UBXN10: variants seen among roughly 807,000 people sequenced by gnomAD.
The protein encoded by UBXN10 is UBX domain protein 10.
UBXN10 carries 6 observed loss-of-function variants against 6.9 expected under a neutral mutation model. The observed-to-expected ratio is 0.87, with a 90% CI of 0.48 to 1.72. The LOEUF (loss-of-function observed/expected upper bound fraction) is 1.72. Among genes scored for constraint, UBXN10 ranks in the 40% most tolerant of loss-of-function variants. The pLI is 0.01. For synonymous variants in UBXN10, 131 were observed against 135.2 expected, an observed-to-expected ratio of 0.97 and a Z score of 0.21; for missense variants, 317 against 348.4, an observed-to-expected ratio of 0.91 and a Z score of 0.72.
At chr1:20,189,703 G>A (rs1159904681) in intron 1 of UBXN10, among the ~76,000 whole-genome samples, 1 of 152,068 alleles carries the variant, frequency 6.6e-6, no homozygotes, top group Non-Finnish European at 1.5e-5. Context: ...ATTGCAGCCT[G>A]AGTGATGGAG....
upstream of UBXN10, among the ~76,000 whole-genome samples, chr1:20,184,924 C>T (rs1318758160): frequency 1.3e-5 from 2 of 151,912 alleles, no homozygotes; most frequent in Admixed American, 6.6e-5. Flanking sequence ...GAGGCTGAGG[C>T]GGGAGGATCA....
Position 20,190,821 on chromosome 1 carries a change from C to T in UBXN10, c.260C>T (p.Ser87Phe). ...SQKPGACAPK[S>F]PNQGASDEIP... is the part of the protein sequence containing the mutation. ...AAACCAGGAGCCTGTGCACCCAAATCTCCAAACCAGGGAGCTTCTGATGAG... is the reference window on the plus strand; with the variant it reads ...AAACCAGGAGCCTGTGCACCCAAATTTCCAAACCAGGGAGCTTCTGATGAG... The change falls in exon 2 of 2, where the codon TCT (serine) becomes TTT (phenylalanine). Residue 87 changes from serine to phenylalanine, a missense_variant. Coordinates refer to ENST00000375099, the MANE Select transcript of UBXN10 (RefSeq NM_152376.5). 2.5e-6 allele frequency: 4 copies of T among 1,614,012 alleles called. No homozygotes were observed. Among genetic ancestry groups the T allele is most frequent in the Non-Finnish European group, 3.4e-6 (4 of 1,180,044 alleles).
chr1:20,195,329 G>A lies in UBXN10; in HGVS notation c.*3925G>A, dbSNP rs1031033517. 3 of 167,206 alleles carry A rather than the reference G, an allele frequency of 1.8e-5. No homozygotes were observed. The highest frequency in any genetic ancestry group is 3.9e-4 in the East Asian group (2 of 5,192). The allele number at this position is 167,206 out of a possible 1,614,324, so 10.4% of individuals were successfully genotyped here. A position where few individuals can be genotyped will look rare whatever the true frequency, so the allele number is the denominator to read the frequency against. ...AATGCCCACGGGTAAAACTGAGCAA[G>A]CCTCATTCAGACTGTCCTGCTCAGA... is the stretch of plus-strand genomic sequence containing the variant. On this transcript the variant is annotated 3_prime_UTR_variant, in exon 2 of 2. Transcript: ENST00000375099.
rs1311113228 is a variant in UBXN10 at position 20,187,537 on chromosome 1, G to A, written c.-16+1384G>A. On this transcript the variant is annotated intron_variant, in intron 1 of 1. Coordinates refer to ENST00000375099, the MANE Select transcript of UBXN10 (RefSeq NM_152376.5). This position sits in a 1 kb window ranked among gnomAD's most constrained non-coding sequence, Gnocchi z 4.6. ...CCCTGTGTGATGGGTGCTGGGGAGA[G>A]CTGGTGTTCCCTCCGTGTAACAGAT... Among the ~76,000 whole-genome samples the A allele has an allele frequency of 6.6e-6, 1 of 152,324 alleles. No homozygotes were observed. Among genetic ancestry groups the A allele is most frequent in the East Asian group, 1.9e-4 (1 of 5,186 alleles).
In UBXN10 at chr1:20,192,280, G is replaced by A. The variant is rs1426252765; in HGVS notation, c.*876G>A. 2.4e-5 allele frequency: 4 copies of A among 167,072 alleles called. No individual in the cohort carries two copies. The highest frequency in any genetic ancestry group is 2.1e-4 in the South Asian group (1 of 4,826). 10.3% of individuals were successfully genotyped at this position (167,072 alleles called of 1,614,324 possible). ...TGACAACCTCCTTGGCTTATTTGGG[G>A]GTGGAGCAATTGTTTTATTCCCCAG... On this transcript the variant is annotated 3_prime_UTR_variant, in exon 2 of 2. Coordinates refer to ENST00000375099, the MANE Select transcript of UBXN10 (RefSeq NM_152376.5).
chr1:20,190,600 G>A lies in UBXN10; in HGVS notation c.39G>A (p.Glu13=), dbSNP rs534420264. Residue 13 remains glutamate, a synonymous_variant, in exon 2 of 2, where the codon GAG becomes GAA. Transcript: ENST00000375099. ...CCCCTGTGAATATAGCACCACCTGA[G>A]TGTAGCACTGTTGTCAGCACAGCAG... ...TEAPVNIAPP[E]CSTVVSTAVD... 2.5e-6 allele frequency: 4 copies of A among 1,614,162 alleles called. No homozygotes were observed. Among genetic ancestry groups the A allele is most frequent in the East Asian group, 2.2e-5 (1 of 44,884 alleles).
Position 20,191,505 on chromosome 1 carries a change from G to A in UBXN10, c.*101G>A, listed in dbSNP as rs1328807461. The A allele has an allele frequency of 2.0e-6, 3 of 1,512,844 alleles. No individual in the cohort carries two copies. In the East Asian group the frequency reaches 6.8e-5, roughly 34 times the overall value. The allele number at this position is 1,512,844 out of a possible 1,614,324, so 93.7% of individuals were successfully genotyped here. ...CCTGTTTCAAGTGCCATGTGGACCT[G>A]GTGCAGCTGGGAAGCTTGGGACTCT... On this transcript the variant is annotated 3_prime_UTR_variant, in exon 2 of 2. Transcript: ENST00000375099. The surrounding 1 kb of genome is among the most constrained non-coding windows in gnomAD (Gnocchi z 4.5).
At position 20,193,536 on chromosome 1, in the gene UBXN10, G is replaced by A. The variant is rs558795579; in HGVS notation, c.*2132G>A. 4 of 166,990 alleles carry A rather than the reference G, an allele frequency of 2.4e-5. No homozygotes were observed. The highest frequency in any genetic ancestry group is 5.9e-5 in the Non-Finnish European group (4 of 68,120). The allele number at this position is 166,990 out of a possible 1,614,324, so 10.3% of individuals were successfully genotyped here. ...CTGAGTCAGTGGAGAAGTGCATCTCGTATTTTAACCTAAGGCTTCAGCTCC... is the reference window on the plus strand; with the variant it reads ...CTGAGTCAGTGGAGAAGTGCATCTCATATTTTAACCTAAGGCTTCAGCTCC... On this transcript the variant is annotated 3_prime_UTR_variant, in exon 2 of 2. Transcript: ENST00000375099.
rs1401145401 is a variant in UBXN10 at position 20,193,459 on chromosome 1, A to T, written c.*2055A>T. 1.8e-5 allele frequency: 3 copies of T among 166,474 alleles called. No homozygotes were observed. The highest frequency in any genetic ancestry group is 7.3e-5 in the African/African-American group (3 of 40,860). The allele number at this position is 166,474 out of a possible 1,614,324, so 10.3% of individuals were successfully genotyped here. ...AGCTAGACTCAAACCATCATAATAAACATTTTTTTTTTGGACAAAAGATGA... is the reference window on the plus strand; with the variant it reads ...AGCTAGACTCAAACCATCATAATAATCATTTTTTTTTTGGACAAAAGATGA... On this transcript the variant is annotated 3_prime_UTR_variant, in exon 2 of 2. Coordinates refer to ENST00000375099, the MANE Select transcript of UBXN10 (RefSeq NM_152376.5).
chr1:20,186,918 A>C (rs896736064), intron 1 of UBXN10, among the ~76,000 whole-genome samples: 1 of 152,090 alleles, frequency 6.6e-6, no homozygotes, highest in African/African-American at 2.4e-5. Flanking sequence ...GCGGGATGGC[A>C]ACGGATAGGA....
chr1:20,188,537 C>T (rs147759694), intron 1 of UBXN10, among the ~76,000 whole-genome samples: 41 of 152,118 alleles, frequency 2.7e-4, no homozygotes, highest in Non-Finnish European at 5.0e-4. Flanking sequence ...CCCTGAGAGG[C>T]TCAGATTACA....
chr1:20,194,182 G>C lies in UBXN10; in HGVS notation c.*2778G>C, dbSNP rs1329409469. 1 of 167,132 alleles carries C rather than the reference G, an allele frequency of 6.0e-6. No individual in the cohort carries two copies. The highest frequency in any genetic ancestry group is 1.5e-5 in the Non-Finnish European group (1 of 68,142). 10.4% of individuals were successfully genotyped at this position (167,132 alleles called of 1,614,324 possible). Reference sequence around the variant, plus strand: ...CCCACCCTCTGGAGATGCTAAGGAAGCTCTTGCCCACCTTTTCTAGTGATG... The same window carrying C: ...CCCACCCTCTGGAGATGCTAAGGAACCTCTTGCCCACCTTTTCTAGTGATG... On this transcript the variant is annotated 3_prime_UTR_variant, in exon 2 of 2. Coordinates refer to ENST00000375099, the MANE Select transcript of UBXN10 (RefSeq NM_152376.5).
At chr1:20,189,879 C>G (rs1205426104) in intron 1 of UBXN10, among the ~76,000 whole-genome samples, 2 of 152,238 alleles carry the variant, frequency 1.3e-5, no homozygotes, top group African/African-American at 4.8e-5. Flanking sequence ...ATCTCCAGCT[C>G]TGCCACCAGC....
At position 20,195,580 on chromosome 1, in the gene UBXN10, A is replaced by T. The variant is rs1396149677; in HGVS notation, c.*4176A>T. On this transcript the variant is annotated 3_prime_UTR_variant, in exon 2 of 2. Coordinates refer to ENST00000375099, the MANE Select transcript of UBXN10 (RefSeq NM_152376.5). ...TCACCCAGGTGGACTTAGCTTGACC[A>T]ATATCGCCAACGTGGATTGTTTCTG... 6.0e-6 allele frequency: 1 copy of T among 167,134 alleles called. No individual in the cohort carries two copies. Among genetic ancestry groups the T allele is most frequent in the Non-Finnish European group, 1.5e-5 (1 of 68,132 alleles). The allele number at this position is 167,134 out of a possible 1,614,324, so 10.4% of individuals were successfully genotyped here.
At position 20,193,188 on chromosome 1, in the gene UBXN10, G is replaced by A. The variant is rs2100738720; in HGVS notation, c.*1784G>A. The A allele has an allele frequency of 1.2e-5, 2 of 167,204 alleles. No homozygotes were observed. The highest frequency in any genetic ancestry group is 6.8e-3 in the Middle Eastern group (2 of 296). 10.4% of individuals were successfully genotyped at this position (167,204 alleles called of 1,614,324 possible). ...CTATGTCTGATCTAGGAGGCTGGGGGAAGAGCCTCCCATAAAATCACACCT... is the reference window on the plus strand; with the variant it reads ...CTATGTCTGATCTAGGAGGCTGGGGAAAGAGCCTCCCATAAAATCACACCT... On this transcript the variant is annotated 3_prime_UTR_variant, in exon 2 of 2. Transcript: ENST00000375099.
chr1:20,190,742 C>T lies in UBXN10; in HGVS notation c.181C>T (p.His61Tyr), dbSNP rs377199781. The T allele has an allele frequency of 2.5e-6, 4 of 1,613,942 alleles. No individual in the cohort carries two copies. Among genetic ancestry groups the T allele is most frequent in the African/African-American group, 2.7e-5 (2 of 74,882 alleles). Residue 61 changes from histidine (H) to tyrosine (Y), a missense_variant, in exon 2 of 2, where the codon CAT becomes TAT. Coordinates refer to ENST00000375099, the MANE Select transcript of UBXN10 (RefSeq NM_152376.5). ...QKSQGVEVCA[H>Y]HIPSPPPAIP... The stretch of plus-strand genomic sequence containing the variant: ...ATCCCAGGGCGTGGAGGTGTGCGCT[C>T]ATCATATACCATCTCCGCCTCCAGC...
At position 20,195,382 on chromosome 1, in the gene UBXN10, G is replaced by A. The variant is rs551477917; in HGVS notation, c.*3978G>A. ...CGCCCTCTGGCTGCCGTGTTGAGGG[G>A]CTGGGGTGGAAGATGGAAGACTTGA... On this transcript the variant is annotated 3_prime_UTR_variant, in exon 2 of 2. Coordinates refer to ENST00000375099, the MANE Select transcript of UBXN10 (RefSeq NM_152376.5). 2 of 167,714 alleles carry A rather than the reference G, an allele frequency of 1.2e-5. No individual in the cohort carries two copies. Among genetic ancestry groups the A allele is most frequent in the East Asian group, 1.9e-4 (1 of 5,204 alleles). 10.4% of individuals were successfully genotyped at this position (167,714 alleles called of 1,614,324 possible). A position where few individuals can be genotyped will look rare whatever the true frequency, so the allele number is the denominator to read the frequency against.
At chr1:20,188,684 A>C (rs776744337) in intron 1 of UBXN10, among the ~76,000 whole-genome samples, 1 of 152,188 alleles carries the variant, frequency 6.6e-6, no homozygotes, top group Non-Finnish European at 1.5e-5. Context: ...ACATGTTTTG[A>C]GGCAACTGCG....
In UBXN10 at chr1:20,192,823, G is replaced by C. The variant is rs61768687; in HGVS notation, c.*1419G>C. ...AGCGCATCCTGTGCTCAGATAAGCT[G>C]CATGGTTGGGAGTGTTTTTTCTCGC... is the stretch of plus-strand genomic sequence containing the variant. On this transcript the variant is annotated 3_prime_UTR_variant, in exon 2 of 2. Transcript: ENST00000375099. 304 of 167,238 alleles carry C rather than the reference G, an allele frequency of 1.8e-3. No homozygotes were observed. Among genetic ancestry groups the C allele is most frequent in the Non-Finnish European group, 2.2e-3 (147 of 68,134 alleles). 10.4% of individuals were successfully genotyped at this position (167,238 alleles called of 1,614,324 possible). A position where few individuals can be genotyped will look rare whatever the true frequency, so the allele number is the denominator to read the frequency against.
Sources: gnomAD v4.1 joint callset for allele counts (sites outside exome capture counted in the v4.1 genomes callset) on GRCh38, gnomAD v4.1.1 for gene constraint, Gnocchi (gnomAD v3.1) non-coding constraint, MANE v1.5 for transcripts, NCBI Gene and HGNC (gene_info 2026-07-23, HGNC 2026-07-21) for gene names.